PCDH15: variants seen among roughly 807,000 people sequenced by gnomAD.
The protein encoded by PCDH15 is protocadherin related 15, also known as protocadherin-15.
Under a neutral mutation model 178.5 loss-of-function variants are expected in PCDH15, and 129 were observed. The ratio of observed to expected loss-of-function variants is 0.72; its 90% confidence interval spans 0.63 to 0.84. The LOEUF (loss-of-function observed/expected upper bound fraction) is 0.84. Among genes scored for constraint, PCDH15 ranks in the 40% least tolerant of loss-of-function variants. The pLI is 0.00. For synonymous variants in PCDH15, 800 were observed against 732.0 expected, an observed-to-expected ratio of 1.09 and a Z score of -1.50; for missense variants, 2,230 against 2,099.9, an observed-to-expected ratio of 1.06 and a Z score of -1.21.
At chr10:53,981,357 T>C (rs1247096121) in intron 21 of PCDH15, among the ~76,000 whole-genome samples, 1 of 152,234 alleles carries the variant, frequency 6.6e-6, no homozygotes, top group African/African-American at 2.4e-5. Context: ...GTATGAAGGA[T>C]GTTTCAAACT....
At chr10:55,576,832 T>C (rs775163691) in intron 2 of PCDH15, among the ~76,000 whole-genome samples, 4 of 152,218 alleles carry the variant, frequency 2.6e-5, no homozygotes, top group Non-Finnish European at 5.9e-5. Context: ...ATGAGTTATT[T>C]GCATCTCATC....
chr10:54,647,111 A>G (rs562002070), intron 2 of PCDH15, among the ~76,000 whole-genome samples: 1 of 152,262 alleles, frequency 6.6e-6, no homozygotes, highest in East Asian at 1.9e-4. Context: ...AGATGAATAC[A>G]TAAAGAGAAT....
intron 2 of PCDH15, among the ~76,000 whole-genome samples, chr10:55,609,397 T>A (rs1296524977): frequency 2.0e-5 from 3 of 152,138 alleles, no homozygotes; most frequent in African/African-American, 7.2e-5. Flanking sequence ...TATACCTTCC[T>A]TAACATCTCA....
intron 2 of PCDH15, among the ~76,000 whole-genome samples, chr10:54,966,911 G>C (rs532903025): frequency 6.6e-6 from 1 of 152,140 alleles, no homozygotes; most frequent in South Asian, 2.1e-4. Context: ...AACTAATACA[G>C]TAAGTAGTTG....
chr10:55,616,160 A>T (rs2132165190), intron 2 of PCDH15, among the ~76,000 whole-genome samples: 1 of 152,286 alleles, frequency 6.6e-6, no homozygotes, highest in African/African-American at 2.4e-5. Context: ...AAAGCAGAAA[A>T]TCCAGTTTCT....
chr10:55,242,345 T>G (rs1841565805), intron 1 of PCDH15, among the ~76,000 whole-genome samples: 1 of 152,154 alleles, frequency 6.6e-6, no homozygotes, highest in Admixed American at 6.6e-5. Context: ...TGTGTACTAT[T>G]TAAATTGGAT....
At chr10:55,451,014 A>G (rs1839424795) in intron 2 of PCDH15, among the ~76,000 whole-genome samples, 1 of 145,808 alleles carries the variant, frequency 6.9e-6, no homozygotes, top group African/African-American at 2.6e-5. Flanking sequence ...ATATAAGCTA[A>G]CTCTAACATT....
At chr10:54,653,598 A>G (rs1211246450) in intron 2 of PCDH15, among the ~76,000 whole-genome samples, 2 of 152,196 alleles carry the variant, frequency 1.3e-5, no homozygotes, top group African/African-American at 2.4e-5. Flanking sequence ...TGTCCAGTAC[A>G]TGCTATTTTG....
At position 54,527,894 on chromosome 10, in the gene PCDH15, AC is replaced by A. The variant is rs754849913; in HGVS notation, c.92-18del. 104 of 1,595,990 alleles carry A rather than the reference AC, an allele frequency of 6.5e-5. No homozygotes were observed. The highest frequency in any genetic ancestry group is 7.7e-5 in the Non-Finnish European group (90 of 1,164,086). Reference sequence around the variant, plus strand: ...GTTTGCAATCTAAAGAGAGAAAATAACCAAAAGTAATAATTGACTGCAGGGG... The same window carrying A: ...GTTTGCAATCTAAAGAGAGAAAATAACAAAAGTAATAATTGACTGCAGGGG... On this transcript the variant is annotated intron_variant, in intron 2 of 37. Coordinates refer to ENST00000644397, the MANE Select transcript of PCDH15 (RefSeq NM_001384140.1).
intron 2 of PCDH15, among the ~76,000 whole-genome samples, chr10:55,586,907 AG>A (rs1842736724): frequency 6.6e-6 from 1 of 152,132 alleles, no homozygotes; most frequent in East Asian, 1.9e-4. Flanking sequence ...TATTGAATGA[AG>A]GATGTTATGT....
intron 8 of PCDH15, among the ~76,000 whole-genome samples, chr10:54,239,258 T>C (rs76570680): frequency 6.6e-6 from 1 of 151,984 alleles, no homozygotes; most frequent in African/African-American, 2.4e-5. Context: ...ATATTCTTTC[T>C]ATAATATATA....
intron 1 of PCDH15, among the ~76,000 whole-genome samples, chr10:54,740,049 A>C (rs1401216815): frequency 1.3e-5 from 2 of 152,042 alleles, no homozygotes; most frequent in African/African-American, 4.8e-5. Flanking sequence ...CACTGAGCTA[A>C]AAATACTTCT....
intron 2 of PCDH15, among the ~76,000 whole-genome samples, chr10:55,609,013 TATACACACAC>T (rs1218019378): frequency 6.8e-6 from 1 of 146,604 alleles, no homozygotes. Flanking sequence ...GTTATATATA[TATACACACAC>T]ACACACACAC....
intron 21 of PCDH15, among the ~76,000 whole-genome samples, chr10:53,990,177 A>G (rs1174731085): frequency 6.6e-6 from 1 of 152,156 alleles, no homozygotes; most frequent in African/African-American, 2.4e-5. Flanking sequence ...CTAGAGATCA[A>G]TAAATGTACC....
intron 2 of PCDH15, among the ~76,000 whole-genome samples, chr10:55,576,041 T>A (rs1361999643): frequency 6.6e-6 from 1 of 152,128 alleles, no homozygotes; most frequent in Admixed American, 6.6e-5. Context: ...TTTATTTGAG[T>A]TGAATATTCA....
chr10:54,928,604 T>C (rs1011399714), intron 2 of PCDH15, among the ~76,000 whole-genome samples: 5 of 152,164 alleles, frequency 3.3e-5, no homozygotes, highest in African/African-American at 1.2e-4. Flanking sequence ...CTCTACATAA[T>C]TCCATATTTC....
At chr10:54,675,457 GTTGT>G (rs2094766786) in intron 1 of PCDH15, among the ~76,000 whole-genome samples, 2 of 109,812 alleles carry the variant, frequency 1.8e-5, no homozygotes, top group African/African-American at 7.1e-5. Context: ...GCCTTTTCAT[GTTGT>G]TTTTTTTTTT....
intron 3 of PCDH15, among the ~76,000 whole-genome samples, chr10:54,891,368 C>G (rs1416074940): frequency 6.6e-6 from 1 of 152,054 alleles, no homozygotes; most frequent in East Asian, 1.9e-4. Context: ...GGCCTTCAGA[C>G]CTACTTTAGC....
chr10:55,149,745 C>T (rs1183802026), intron 2 of PCDH15, among the ~76,000 whole-genome samples: 10 of 151,868 alleles, frequency 6.6e-5, no homozygotes, highest in East Asian at 1.9e-4. Context: ...TCCAAGAAGA[C>T]GTCAACCTTT....
Sources: allele counts gnomAD v4.1 joint callset (sites outside exome capture counted in the v4.1 genomes callset), GRCh38; gene constraint gnomAD v4.1.1; transcripts MANE v1.5; gene names NCBI Gene and HGNC (gene_info 2026-07-23, HGNC 2026-07-21).